Variants in OS9 observed in about 807,000 individuals in gnomAD.
OS9 encodes the protein protein OS-9.
Under a neutral mutation model 84.7 loss-of-function variants are expected in OS9, and 58 were observed. That is an observed-to-expected ratio of 0.68 (90% CI 0.55 to 0.85). The LOEUF is 0.85. Ranked by LOEUF, OS9 falls within the 40% of genes least tolerant of loss-of-function variation. The probability of loss-of-function intolerance (pLI) is 0.00; values close to 1 mark genes in which losing one functional copy is unlikely to be tolerated. For missense variants in OS9, 760 were observed against 850.9 expected, an observed-to-expected ratio of 0.89 and a Z score of 1.33; for synonymous variants, 278 against 320.8, an observed-to-expected ratio of 0.87 and a Z score of 1.43.
At chr12:57,703,370 G>A (rs974976116) in intron 5 of OS9, among the ~76,000 whole-genome samples, 1 of 152,154 alleles carries the variant, frequency 6.6e-6, no homozygotes, top group Non-Finnish European at 1.5e-5. Flanking sequence ...GAGTAGGTGG[G>A]ATTATAGGGG....
At chr12:57,695,116 G>A (rs989495851) in intron 2 of OS9, 190 bp downstream of exon 2, 5 of 599,276 alleles carry the variant, frequency 8.3e-6, no homozygotes, top group Admixed American at 3.0e-5. Context: ...TTTGCTGAAC[G>A]TAGGAGCAGG....
At chr12:57,718,678 G>A (rs1263730305) in intron 11 of OS9, among the ~76,000 whole-genome samples, 2 of 152,198 alleles carry the variant, frequency 1.3e-5, no homozygotes, top group Non-Finnish European at 2.9e-5. Flanking sequence ...GCCGAGGTGA[G>A]CGGATCACCT....
At chr12:57,709,203 T>A (rs1334925932) in intron 5 of OS9, among the ~76,000 whole-genome samples, 2 of 152,212 alleles carry the variant, frequency 1.3e-5, no homozygotes, top group Non-Finnish European at 2.9e-5. Context: ...AGTAGAGATA[T>A]TGTCCTTTTG....
chr12:57,699,102 G>A (rs548940841), intron 5 of OS9, among the ~76,000 whole-genome samples: 4 of 152,186 alleles, frequency 2.6e-5, no homozygotes, highest in Non-Finnish European at 5.9e-5. Context: ...TGATTTCCAG[G>A]CTTTTGGCTT....
At chr12:57,694,518 C>T (rs1953765361) in intron 1 of OS9, among the ~76,000 whole-genome samples, 195 bp downstream of exon 1, 1 of 152,140 alleles carries the variant, frequency 6.6e-6, no homozygotes, top group South Asian at 2.1e-4. Context: ...AGAGGTGGGG[C>T]TTCCCGCTGT....
intron 9 of OS9, 61 bp downstream of exon 9, chr12:57,716,805 T>TG (rs1954515347): frequency 2.0e-6 from 3 of 1,483,210 alleles, no homozygotes; most frequent in Middle Eastern, 1.8e-4. Context: ...GGGGTAGGGA[T>TG]GGAGGGGAGA....
rs1954677168 is a variant in OS9 at position 57,721,411 on chromosome 12, TTC to T, written c.*504_*505del. The stretch of plus-strand genomic sequence containing the variant: ...CCACCCTGTCCCCTACAATTTGTGC[TTC>T]TGAGTTGAGGAGCCTTCACCTCTGT... On this transcript the variant is annotated 3_prime_UTR_variant, in exon 15 of 15. Coordinates refer to ENST00000315970, the MANE Select transcript of OS9 (RefSeq NM_006812.4). The T allele has an allele frequency of 6.3e-6, 1 of 158,796 alleles. No homozygotes were observed. The highest frequency in any genetic ancestry group is 2.4e-5 in the African/African-American group (1 of 41,446). 9.8% of individuals were successfully genotyped at this position (158,796 alleles called of 1,614,324 possible). A position where few individuals can be genotyped will look rare whatever the true frequency, so the allele number is the denominator to read the frequency against.
rs778556803 is a variant in OS9 at position 57,694,890 on chromosome 12, G to T, written c.303G>T (p.Leu101Phe). 1.2e-6 allele frequency: 2 copies of T among 1,614,178 alleles called. No homozygotes were observed. The highest frequency in any genetic ancestry group is 1.7e-6 in the Non-Finnish European group (2 of 1,180,028). ...PAYQGPGIPE[L>F]LSPMRDAPCL... ...ACCAAGGGCCTGGGATCCCTGAGTT[G>T]TTGAGCCCAATGAGAGATGCTCCCT... The change falls in exon 2 of 15, where the codon TTG (leucine) becomes TTT (phenylalanine). Residue 101 changes from leucine (L) to phenylalanine (F), a missense_variant. Transcript: ENST00000315970.
At chr12:57,699,373 A>T (rs887726651) in intron 5 of OS9, among the ~76,000 whole-genome samples, 3 of 152,212 alleles carry the variant, frequency 2.0e-5, no homozygotes, top group African/African-American at 7.2e-5. Context: ...CCCCAAAGAA[A>T]ACAGTATCTA....
intron 5 of OS9, among the ~76,000 whole-genome samples, chr12:57,696,916 T>C (rs1279690860): frequency 6.6e-6 from 1 of 152,156 alleles, no homozygotes; most frequent in Non-Finnish European, 1.5e-5. Flanking sequence ...GGTCGGTACC[T>C]TCACTCTCGC....
intron 5 of OS9, among the ~76,000 whole-genome samples, chr12:57,705,462 A>T (rs1954139316): frequency 6.6e-6 from 1 of 152,192 alleles, no homozygotes; most frequent in Admixed American, 6.5e-5. Flanking sequence ...GTGTATGCAT[A>T]TATTTCAAAC....
chr12:57,718,262 G>A lies in OS9; in HGVS notation c.1251G>A (p.Glu417=). The A allele has an allele frequency of 6.2e-7, 1 of 1,613,008 alleles. No individual in the cohort carries two copies. Among genetic ancestry groups the A allele is most frequent in the South Asian group, 1.1e-5 (1 of 90,772 alleles). Residue 417 remains glutamate, a synonymous_variant, in exon 11 of 15, where the codon GAG becomes GAA. Transcript: ENST00000315970. ...PERQREMEEE[E]DEDEDEDEDE... is the part of the protein sequence containing the mutation. ...GGCAGAGAGAGATGGAAGAAGAGGA[G>A]GATGAGGATGAGGATGAGGATGAAG...
intron 9 of OS9, among the ~76,000 whole-genome samples, chr12:57,717,007 TAGAGGGTTGCATGGGATTA>T (rs1216613532): frequency 6.6e-6 from 1 of 152,162 alleles, no homozygotes; most frequent in Non-Finnish European, 1.5e-5. Flanking sequence ...ACCCCTACCT[TAGAGGGTTGCATGGGATTA>T]AATGAGAATG....
intron 5 of OS9, among the ~76,000 whole-genome samples, chr12:57,711,054 AAAAAAAAG>A (rs1954312921): frequency 6.6e-6 from 1 of 150,930 alleles, no homozygotes; most frequent in South Asian, 2.1e-4. Context: ...AAAAAAAAAA[AAAAAAAAG>A]AGAAAAATAT....
At chr12:57,700,453 A>G (rs1953988040) in intron 5 of OS9, among the ~76,000 whole-genome samples, 2 of 151,818 alleles carry the variant, frequency 1.3e-5, no homozygotes, top group Admixed American at 1.3e-4. Flanking sequence ...GGTGGCAGAA[A>G]GTTGAGGCCA....
chr12:57,716,034 A>G lies in OS9; in HGVS notation c.791-58A>G, dbSNP rs1595061804. ...GGGGGCAGGGGGTGGCAAAAGATCAAGTATTGAATAGCTGGAGGAATGTGT... is the reference window on the plus strand; with the variant it reads ...GGGGGCAGGGGGTGGCAAAAGATCAGGTATTGAATAGCTGGAGGAATGTGT... On this transcript the variant is annotated intron_variant, in intron 6 of 14. Transcript: ENST00000315970. The G allele has an allele frequency of 3.8e-6, 6 of 1,592,320 alleles. No individual in the cohort carries two copies. In the East Asian group the frequency reaches 1.3e-4, roughly 36 times the overall value.
chr12:57,714,710 C>A (rs1954432233), intron 5 of OS9, among the ~76,000 whole-genome samples: 1 of 152,148 alleles, frequency 6.6e-6, no homozygotes, highest in Non-Finnish European at 1.5e-5. Context: ...ATCTTCCTGC[C>A]TCAGTCTCCC....
chr12:57,717,785 T>C lies in OS9; in HGVS notation c.1046-85T>C, dbSNP rs1244137362. 5.8e-5 allele frequency: 54 copies of C among 935,266 alleles called. 1 individual carries two copies. The Middle Eastern group carries it at 1.4e-3, about 24-fold the overall frequency. The allele number at this position is 935,266 out of a possible 1,614,324, so 57.9% of individuals were successfully genotyped here. A position where few individuals can be genotyped will look rare whatever the true frequency, so the allele number is the denominator to read the frequency against. Reference sequence around the variant, plus strand: ...TCCAGCTTGGGTGACAGTGCAAGACTCTGTCTCAAAAAAAAAAAAAAAAAA... The same window carrying C: ...TCCAGCTTGGGTGACAGTGCAAGACCCTGTCTCAAAAAAAAAAAAAAAAAA... On this transcript the variant is annotated intron_variant, in intron 9 of 14. Transcript: ENST00000315970.
chr12:57,718,679 C>A (rs906925004), intron 11 of OS9, among the ~76,000 whole-genome samples: 1 of 152,054 alleles, frequency 6.6e-6, no homozygotes, highest in South Asian at 2.1e-4. Context: ...CCGAGGTGAG[C>A]GGATCACCTG....
Sources: gnomAD v4.1 joint callset for allele counts (sites outside exome capture counted in the v4.1 genomes callset) on GRCh38, gnomAD v4.1.1 for gene constraint, MANE v1.5 for transcripts, NCBI Gene and HGNC (gene_info 2026-07-23, HGNC 2026-07-21) for gene names.